Variants in TRIM58 observed in about 807,000 individuals in gnomAD.
TRIM58 encodes the protein E3 ubiquitin-protein ligase TRIM58.
Under a neutral mutation model 34.1 loss-of-function variants are expected in TRIM58, and 38 were observed. The ratio of observed to expected loss-of-function variants is 1.12; its 90% confidence interval spans 0.86 to 1.46. The LOEUF is 1.46. TRIM58 is among the 40% of genes most tolerant of loss of function. The pLI, the probability that TRIM58 is intolerant of heterozygous loss-of-function variation, is 0.00. For missense variants in TRIM58, 677 were observed against 642.0 expected (o/e 1.05, Z -0.59); for synonymous variants, 273 against 275.7 (o/e 0.99, Z 0.10).
intron 5 of TRIM58, among the ~76,000 whole-genome samples, chr1:247,872,653 A>G (rs867217735): frequency 1.3e-5 from 2 of 152,348 alleles, no homozygotes; most frequent in Middle Eastern, 3.4e-3. Flanking sequence ...AGCTAAGCAC[A>G]TGCATTGGGA....
intron 2 of TRIM58, among the ~76,000 whole-genome samples, chr1:247,864,412 A>G (rs910762556): frequency 6.6e-6 from 1 of 151,726 alleles, no homozygotes; most frequent in Non-Finnish European, 1.5e-5. Context: ...CCTCCCCAAA[A>G]CCTCACATTT....
Position 247,876,392 on chromosome 1 carries a change from C to T in TRIM58, c.1364C>T (p.Pro455Leu), listed in dbSNP as rs1440821665. 2 of 1,614,072 alleles carry T rather than the reference C, an allele frequency of 1.2e-6. No individual in the cohort carries two copies. The highest frequency in any genetic ancestry group is 1.3e-5 in the African/African-American group (1 of 74,902). The change falls in exon 6 of 6, where the codon CCT (proline) becomes CTT (leucine). Residue 455 changes from proline to leucine, a missense_variant. Transcript: ENST00000366481. Reference sequence around the variant, plus strand: ...TACTTTTTCATCTGTGATGCAACTCCTCTTATCTTGCCACCCACAACAATA... The same window carrying T: ...TACTTTTTCATCTGTGATGCAACTCTTCTTATCTTGCCACCCACAACAATA... ...RPYFFICDAT[P>L]LILPPTTIAG... is the part of the protein sequence containing the mutation.
Position 247,857,642 on chromosome 1 carries a change from GCAGGAGGC to G in TRIM58, c.398_405del (p.Gln133ArgfsTer52). The stretch of plus-strand genomic sequence containing the variant: ...ACAGGACGCACCGCACGGCGCCGCT[GCAGGAGGC>G]CGCCGGCAGCTACCAGGTGAGGCGC... On this transcript the variant is annotated frameshift_variant, in exon 1 of 6. Coordinates refer to ENST00000366481, the MANE Select transcript of TRIM58 (RefSeq NM_015431.4). LOFTEE classifies it high-confidence loss of function. 1 of 1,235,396 alleles carries G rather than the reference GCAGGAGGC, an allele frequency of 8.1e-7. No homozygotes were observed. The highest frequency in any genetic ancestry group is 3.5e-5 in the South Asian group (1 of 28,840). The allele number at this position is 1,235,396 out of a possible 1,614,324, so 76.5% of individuals were successfully genotyped here.
At chr1:247,862,922 C>T (rs1663828640) in intron 2 of TRIM58, among the ~76,000 whole-genome samples, 1 of 152,198 alleles carries the variant, frequency 6.6e-6, no homozygotes, top group Admixed American at 6.5e-5. Flanking sequence ...CACCTTCCCA[C>T]CTCACACCCC....
rs1449113924 is a variant in TRIM58 at position 247,879,313 on chromosome 1, G to C, written c.*2824G>C. Among the ~76,000 whole-genome samples, 1 of 152,158 alleles carries C rather than the reference G, an allele frequency of 6.6e-6. No homozygotes were observed. Among genetic ancestry groups the C allele is most frequent in the Admixed American group, 6.5e-5 (1 of 15,274 alleles). ...GTCCTACCTTCAGAATATGTCCGGG[G>C]TTCAGTTGTCCTGGCCACCCTGCTG... On this transcript the variant is annotated 3_prime_UTR_variant, in exon 6 of 6. Transcript: ENST00000366481.
chr1:247,866,159 C>A (rs1321499340), intron 3 of TRIM58, among the ~76,000 whole-genome samples: 2 of 151,802 alleles, frequency 1.3e-5, no homozygotes, highest in African/African-American at 4.8e-5. Context: ...AATACAAGAA[C>A]TTTGACGGTT....
chr1:247,857,893 C>T (rs1317137161), intron 1 of TRIM58, among the ~76,000 whole-genome samples: 1 of 152,148 alleles, frequency 6.6e-6, no homozygotes, highest in African/African-American at 2.4e-5. Flanking sequence ...ACCGTCCGCC[C>T]CTCCCCCAAG....
chr1:247,857,717 G>T, intron 1 of TRIM58, 51 bp downstream of exon 1: 3 of 1,209,584 alleles, frequency 2.5e-6, no homozygotes, highest in Non-Finnish European at 3.1e-6. Flanking sequence ...CCGGGAAGCG[G>T]GCGACAGTCC....
rs1663655193 is a variant in TRIM58 at position 247,857,347 on chromosome 1, G to A, written c.101G>A (p.Ser34Asn). 1.3e-6 allele frequency: 2 copies of A among 1,513,710 alleles called. No homozygotes were observed. The highest frequency in any genetic ancestry group is 4.2e-5 in the Admixed American group (2 of 47,930). 93.8% of individuals were successfully genotyped at this position (1,513,710 alleles called of 1,614,324 possible). The change falls in exon 1 of 6, where the codon AGC (serine) becomes AAC (asparagine). Residue 34 changes from serine (S) to asparagine (N), a missense_variant. By Grantham distance (46) the Ser-to-Asn change is conservative (BLOSUM62 1). Coordinates refer to ENST00000366481, the MANE Select transcript of TRIM58 (RefSeq NM_015431.4). ...CCGGTCAGCGTGGACTGCGGCCACA[G>A]CTTCTGCCTCAGGTGCATCTCCGAG... Reference protein sequence around the residue: ...QEPVSVDCGHSFCLRCISEFC... With the variant: ...QEPVSVDCGHNFCLRCISEFC...
chr1:247,866,531 A>G (rs1359252479), intron 3 of TRIM58, among the ~76,000 whole-genome samples: 1 of 152,222 alleles, frequency 6.6e-6, no homozygotes, highest in African/African-American at 2.4e-5. Flanking sequence ...TTGGCCTCCC[A>G]GAGTGCTGGG....
At chr1:247,875,355 A>T (rs936370121) in intron 5 of TRIM58, among the ~76,000 whole-genome samples, 2 of 152,130 alleles carry the variant, frequency 1.3e-5, no homozygotes, top group Non-Finnish European at 2.9e-5. Context: ...AGATCCTCCT[A>T]AGTGCACTCA....
At chr1:247,869,654 C>T (rs1200355455) in intron 5 of TRIM58, among the ~76,000 whole-genome samples, 1 of 152,206 alleles carries the variant, frequency 6.6e-6, no homozygotes, top group Non-Finnish European at 1.5e-5. Flanking sequence ...ATGCACTCCT[C>T]TTAAAGGTAC....
intron 3 of TRIM58, among the ~76,000 whole-genome samples, chr1:247,865,278 C>T (rs1663894341): frequency 6.6e-6 from 1 of 152,118 alleles, no homozygotes; most frequent in African/African-American, 2.4e-5. Flanking sequence ...AACAAACAAA[C>T]AGCATATAGT....
rs990591281 is a variant in TRIM58, at chr1:247,879,753, A to G, written c.*3264A>G. The stretch of plus-strand genomic sequence containing the variant: ...TCCCCGCCTGTGGCTTCTGCTTGAC[A>G]TTCCCTTTTCCCTGATATCCCCTTG... On this transcript the variant is annotated 3_prime_UTR_variant, in exon 6 of 6. Transcript: ENST00000366481. 6.6e-6 allele frequency among the ~76,000 whole-genome samples: 1 copy of G among 150,860 alleles called. No homozygotes were observed. The highest frequency in any genetic ancestry group is 1.5e-5 in the Non-Finnish European group (1 of 67,846).
chr1:247,860,795 T>C lies in TRIM58; in HGVS notation c.516+83T>C, dbSNP rs761457538. ...CAGTAATTCTTCTACCATCTTCCAT[T>C]CTCCAGCACTTTTGTTCCATCTCCA... is the stretch of plus-strand genomic sequence containing the variant. On this transcript the variant is annotated intron_variant, in intron 2 of 5. Transcript: ENST00000366481. The C allele has an allele frequency of 4.0e-4, 431 of 1,087,200 alleles. 1 individual carries two copies. The highest frequency in any genetic ancestry group is 5.4e-4 in the Non-Finnish European group (391 of 719,300). 67.3% of individuals were successfully genotyped at this position (1,087,200 alleles called of 1,614,324 possible).
chr1:247,860,825 T>C, intron 2 of TRIM58, 113 bp downstream of exon 2: 1 of 784,242 alleles, frequency 1.3e-6, no homozygotes, highest in Non-Finnish European at 2.1e-6. Flanking sequence ...TCTCCATATA[T>C]GCCCAAGAGC....
rs1343298756 is a variant in TRIM58, at chr1:247,860,647, A to G, written c.451A>G (p.Arg151Gly). 19 of 1,613,772 alleles carry G rather than the reference A, an allele frequency of 1.2e-5. No homozygotes were observed. Among genetic ancestry groups the G allele is most frequent in the Non-Finnish European group, 1.5e-5 (18 of 1,179,862 alleles). The change falls in exon 2 of 6, where the codon AGG (arginine) becomes GGG (glycine). Residue 151 changes from arginine to glycine, a missense_variant. Physicochemically the swap from Arg to Gly is moderately radical, Grantham distance 125 (BLOSUM62 -2). Transcript: ENST00000366481. The part of the protein sequence containing the change: ...VKLQMALELM[R>G]KELEDALTQE... Reference sequence around the variant, plus strand: ...GCTCCAGATGGCTCTGGAACTTATGAGGAAAGAGTTGGAGGACGCCTTGAC... The same window carrying G: ...GCTCCAGATGGCTCTGGAACTTATGGGGAAAGAGTTGGAGGACGCCTTGAC...
rs781258321 is a variant in TRIM58, at chr1:247,879,884, G to A, written c.*3395G>A. Among the ~76,000 whole-genome samples the A allele has an allele frequency of 3.3e-5, 5 of 151,796 alleles. No homozygotes were observed. Among genetic ancestry groups the A allele is most frequent in the South Asian group, 2.1e-4 (1 of 4,788 alleles). On this transcript the variant is annotated 3_prime_UTR_variant, in exon 6 of 6. Coordinates refer to ENST00000366481, the MANE Select transcript of TRIM58 (RefSeq NM_015431.4). ...CCATCTAGAGCTCACCTTTCCAGTC[G>A]CCCTTGCCAGGCTCAGTGGAGGCTC...
intron 2 of TRIM58, among the ~76,000 whole-genome samples, chr1:247,862,911 C>A (rs1271060870): frequency 6.6e-6 from 1 of 152,120 alleles, no homozygotes; most frequent in Non-Finnish European, 1.5e-5. Context: ...AAATCGCTTC[C>A]CACCTTCCCA....
Sources: allele counts gnomAD v4.1 joint callset (sites outside exome capture counted in the v4.1 genomes callset), GRCh38; gene constraint gnomAD v4.1.1; transcripts MANE v1.5; gene names NCBI Gene and HGNC (gene_info 2026-07-23, HGNC 2026-07-21).